Variants in PTPRN2 observed in about 807,000 individuals in gnomAD.
The protein encoded by PTPRN2 is protein tyrosine phosphatase receptor type N2, also known as receptor-type tyrosine-protein phosphatase N2.
A neutral mutation model predicts 118.8 loss-of-function variants in PTPRN2; 74 were observed. The observed-to-expected ratio is 0.62, with a 90% CI of 0.52 to 0.76. The LOEUF is 0.76. Among genes scored for constraint, PTPRN2 ranks in the 30% least tolerant of loss-of-function variants. PTPRN2 has a pLI of 0.00. For synonymous variants in PTPRN2, 641 were observed against 608.0 expected, an observed-to-expected ratio of 1.05 and a Z score of -0.80; for missense variants, 1,481 against 1,394.4, an observed-to-expected ratio of 1.06 and a Z score of -0.99.
At chr7:157,551,238 T>C (rs562724632) in intron 21 of PTPRN2, among the ~76,000 whole-genome samples, 46 of 152,234 alleles carry the variant, frequency 3.0e-4, no homozygotes, top group African/African-American at 9.9e-4. Flanking sequence ...AATGCCCATA[T>C]TGTCTGTTGC....
chr7:157,744,914 C>T (rs952531262), intron 12 of PTPRN2, among the ~76,000 whole-genome samples: 2 of 152,346 alleles, frequency 1.3e-5, no homozygotes, highest in African/African-American at 4.8e-5. Flanking sequence ...CCCAGTCCCC[C>T]GGCATCTCTG....
chr7:158,164,534 A>G (rs9690011), intron 6 of PTPRN2, among the ~76,000 whole-genome samples: 81 of 2,978 alleles, frequency 0.027, 17 homozygotes, highest in African/African-American at 0.12. Context: ...GGGAGCGCGC[A>G]CGTAGGGAAG....
At chr7:157,983,469 C>T (rs1022589681) in intron 11 of PTPRN2, among the ~76,000 whole-genome samples, 5 of 152,236 alleles carry the variant, frequency 3.3e-5, no homozygotes, top group South Asian at 2.1e-4. Flanking sequence ...CCCAAAACCC[C>T]GAGTCACAGA....
intron 12 of PTPRN2, among the ~76,000 whole-genome samples, chr7:157,778,198 C>T (rs148987076): frequency 6.6e-5 from 10 of 152,314 alleles, no homozygotes; most frequent in East Asian, 1.9e-4. Context: ...CAAAAGCCAA[C>T]GCTCCGCCTG....
intron 5 of PTPRN2, among the ~76,000 whole-genome samples, chr7:158,176,251 C>T (rs1013628652): frequency 1.3e-5 from 2 of 152,204 alleles, no homozygotes; most frequent in African/African-American, 4.8e-5. Context: ...TCAGTTGGCT[C>T]ATAACCACCC....
Position 158,303,532 on chromosome 7 carries a change from T to A in PTPRN2, c.277+13287A>T, listed in dbSNP as rs75989669. On this transcript the variant is annotated intron_variant, in intron 3 of 22. Transcript: ENST00000389418. The stretch of plus-strand genomic sequence containing the variant: ...CATTATACTAATTTACCATACAGGA[T>A]TAAAATGTCATTAAGCTTGCAATGT... Among the ~76,000 whole-genome samples, 191 of 152,360 alleles carry A rather than the reference T, an allele frequency of 1.3e-3. 7 individuals carry two copies. In the East Asian group the frequency reaches 0.031, roughly 25 times the overall value.
intron 11 of PTPRN2, among the ~76,000 whole-genome samples, chr7:157,907,283 T>A (rs1408598948): frequency 3.3e-5 from 5 of 152,090 alleles, no homozygotes; most frequent in African/African-American, 1.2e-4. Flanking sequence ...TTTACCCCTG[T>A]GTGTGGTGTG....
At chr7:157,672,589 T>C (rs1266360917) in intron 13 of PTPRN2, among the ~76,000 whole-genome samples, 1 of 152,188 alleles carries the variant, frequency 6.6e-6, no homozygotes, top group Non-Finnish European at 1.5e-5. Context: ...TTGTCCACTC[T>C]CCTGCATCAT....
At chr7:157,688,736 G>A (rs1797317939) in intron 12 of PTPRN2, among the ~76,000 whole-genome samples, 1 of 152,180 alleles carries the variant, frequency 6.6e-6, no homozygotes. Flanking sequence ...CCCGCCTAGC[G>A]TCGCTTGTCA....
chr7:158,151,873 A>C (rs1229540598), intron 6 of PTPRN2, among the ~76,000 whole-genome samples: 1 of 152,230 alleles, frequency 6.6e-6, no homozygotes, highest in African/African-American at 2.4e-5. Context: ...AACAGGAAAC[A>C]AATAAAAACC....
intron 12 of PTPRN2, among the ~76,000 whole-genome samples, chr7:157,691,954 G>T (rs916197517): frequency 1.3e-5 from 2 of 152,116 alleles, no homozygotes; most frequent in South Asian, 4.2e-4. Context: ...CGGCGCCCCC[G>T]CGGAGCTGGC....
chr7:158,381,539 T>C (rs1380068639), intron 2 of PTPRN2, among the ~76,000 whole-genome samples: 1 of 152,194 alleles, frequency 6.6e-6, no homozygotes, highest in Non-Finnish European at 1.5e-5. Flanking sequence ...GCAAAGCCAT[T>C]CAACAAGCCT....
chr7:157,601,981 C>T (rs1488037795), intron 16 of PTPRN2, among the ~76,000 whole-genome samples: 1 of 152,214 alleles, frequency 6.6e-6, no homozygotes, highest in Non-Finnish European at 1.5e-5. Context: ...TTCTGTTCAT[C>T]AAGTGAGAGG....
chr7:157,551,311 T>G lies in PTPRN2; in HGVS notation c.2903-2292A>C, dbSNP rs565005101. Among the ~76,000 whole-genome samples, 211 of 152,186 alleles carry G rather than the reference T, an allele frequency of 1.4e-3. 1 individual carries two copies. Among genetic ancestry groups the G allele is most frequent in the Non-Finnish European group, 2.5e-3 (173 of 67,998 alleles). On this transcript the variant is annotated intron_variant, in intron 21 of 22. Coordinates refer to ENST00000389418, the MANE Select transcript of PTPRN2 (RefSeq NM_002847.5). ...GGACACATTGAACCCAGAACTGTGC[T>G]GCAATTTAAATGTGAAAAATACCAC... is the stretch of plus-strand genomic sequence containing the variant.
intron 12 of PTPRN2, among the ~76,000 whole-genome samples, chr7:157,872,301 G>A (rs745520871): frequency 0.027 from 1,671 of 60,952 alleles, 125 homozygotes; most frequent in African/African-American, 0.13. Context: ...CCCCACACAC[G>A]CATACCCAGT....
intron 10 of PTPRN2, among the ~76,000 whole-genome samples, chr7:158,082,877 A>G (rs1213679354): frequency 6.6e-6 from 1 of 152,174 alleles, no homozygotes; most frequent in Non-Finnish European, 1.5e-5. Context: ...ATGGAGCAGG[A>G]GCTGGTGTCT....
intron 12 of PTPRN2, among the ~76,000 whole-genome samples, chr7:157,897,972 G>A (rs1053427649): frequency 2.0e-5 from 3 of 152,394 alleles, no homozygotes; most frequent in South Asian, 2.1e-4. Context: ...AGGCGCGTCC[G>A]CGCTCTGTGT....
At chr7:157,941,003 T>C (rs1800057093) in intron 11 of PTPRN2, among the ~76,000 whole-genome samples, 1 of 53,216 alleles carries the variant, frequency 1.9e-5, no homozygotes, top group Admixed American at 2.7e-4. Flanking sequence ...CTCTCCCCCG[T>C]GACACTGCAA....
chr7:157,796,065 G>T (rs772399719), intron 12 of PTPRN2, among the ~76,000 whole-genome samples: 14 of 152,206 alleles, frequency 9.2e-5, no homozygotes, highest in Non-Finnish European at 1.9e-4. Flanking sequence ...ATAAACACAC[G>T]CGTTCCAGGA....
Sources: allele counts gnomAD v4.1 joint callset (sites outside exome capture counted in the v4.1 genomes callset), GRCh38; gene constraint gnomAD v4.1.1; transcripts MANE v1.5; gene names NCBI Gene and HGNC (gene_info 2026-07-23, HGNC 2026-07-21).